METTL15: variants seen among roughly 807,000 people sequenced by gnomAD.
The protein encoded by METTL15 is 12S rRNA N(4)-cytidine methyltransferase METTL15.
A neutral mutation model predicts 38.3 loss-of-function variants in METTL15; 34 were observed. That is an observed-to-expected ratio of 0.89 (90% CI 0.68 to 1.18). The LOEUF (loss-of-function observed/expected upper bound fraction) is 1.18. Ranked by LOEUF, METTL15 falls within the 50% of genes most tolerant of loss-of-function variation. The pLI, the probability that METTL15 is intolerant of heterozygous loss-of-function variation, is 0.00. For synonymous variants in METTL15, 162 were observed against 170.9 expected (o/e 0.95, Z 0.41); for missense variants, 438 against 498.4 (o/e 0.88, Z 1.15).
intron 3 of METTL15, among the ~76,000 whole-genome samples, chr11:28,189,526 C>G (rs1197267324): frequency 1.3e-5 from 2 of 150,978 alleles, no homozygotes; most frequent in African/African-American, 4.8e-5. Flanking sequence ...TTTCAAATAC[C>G]TACTTTGACA....
chr11:28,440,102 C>G (rs1396644805), intron 6 of METTL15, among the ~76,000 whole-genome samples: 1 of 151,988 alleles, frequency 6.6e-6, no homozygotes, highest in Admixed American at 6.6e-5. Flanking sequence ...TGTTGGTGGT[C>G]CCCATAGAAA....
intron 6 of METTL15, among the ~76,000 whole-genome samples, chr11:28,503,661 C>T (rs1000940330): frequency 1.7e-4 from 26 of 151,502 alleles, no homozygotes; most frequent in African/African-American, 6.1e-4. Context: ...CGTGGTGGCA[C>T]GCACCTGTAA....
intron 3 of METTL15, among the ~76,000 whole-genome samples, chr11:28,179,765 G>A (rs762707741): frequency 1.3e-5 from 2 of 151,720 alleles, no homozygotes; most frequent in Non-Finnish European, 3.0e-5. Flanking sequence ...ATAGGCACTC[G>A]TTTTCCAGGA....
chr11:28,175,504 A>T (rs1460824619), intron 3 of METTL15, among the ~76,000 whole-genome samples: 1 of 152,140 alleles, frequency 6.6e-6, no homozygotes, highest in Non-Finnish European at 1.5e-5. Context: ...CTAGTTCTAG[A>T]TCCCTGAGGA....
chr11:28,422,423 C>T (rs1850828301), intron 5 of METTL15, among the ~76,000 whole-genome samples: 1 of 152,032 alleles, frequency 6.6e-6, no homozygotes, highest in Non-Finnish European at 1.5e-5. Flanking sequence ...AGTTATGTTG[C>T]TTCACTTCAA....
chr11:28,297,464 G>GTA (rs546644714), intron 6 of METTL15, among the ~76,000 whole-genome samples: 54 of 152,240 alleles, frequency 3.5e-4, no homozygotes, highest in Non-Finnish European at 6.8e-4. Flanking sequence ...GGTATATGAT[G>GTA]TATAGGTTAT....
intron 5 of METTL15, among the ~76,000 whole-genome samples, chr11:28,367,387 CCTAG>C (rs1850196971): frequency 6.6e-6 from 1 of 152,034 alleles, no homozygotes; most frequent in Admixed American, 6.5e-5. Flanking sequence ...TTGAGAGGAC[CCTAG>C]AATCTCTAGC....
intron 3 of METTL15, among the ~76,000 whole-genome samples, chr11:28,154,145 C>T (rs981618867): frequency 1.3e-5 from 2 of 152,140 alleles, no homozygotes; most frequent in South Asian, 2.1e-4. Context: ...AGGTACAACT[C>T]GTAATTGAAG....
intron 3 of METTL15, among the ~76,000 whole-genome samples, chr11:28,126,643 A>T (rs1852500166): frequency 1.3e-5 from 2 of 152,154 alleles, no homozygotes. Flanking sequence ...TTTTAGTGTG[A>T]AAATTAAACC....
chr11:28,523,280 T>C (rs963693716), intron 6 of METTL15, among the ~76,000 whole-genome samples: 5 of 152,232 alleles, frequency 3.3e-5, no homozygotes, highest in Non-Finnish European at 5.9e-5. Context: ...TACAACAATA[T>C]AATTGAATTA....
chr11:28,335,224 G>A (rs377032942), downstream of METTL15, among the ~76,000 whole-genome samples: 1 of 152,116 alleles, frequency 6.6e-6, no homozygotes, highest in Non-Finnish European at 1.5e-5. Flanking sequence ...AATTTCACAA[G>A]GAAAAGTCTT....
intron 3 of METTL15, among the ~76,000 whole-genome samples, chr11:28,178,421 A>G (rs993912760): frequency 7.2e-5 from 11 of 151,894 alleles, no homozygotes; most frequent in Non-Finnish European, 1.6e-4. Flanking sequence ...AACTCATGTA[A>G]TTATTTCACT....
chr11:28,398,036 C>T (rs190854106), intron 5 of METTL15, among the ~76,000 whole-genome samples: 102 of 151,572 alleles, frequency 6.7e-4, no homozygotes, highest in African/African-American at 2.5e-3. Flanking sequence ...GGGAATTGAA[C>T]AGTGAGAACA....
intron 6 of METTL15, among the ~76,000 whole-genome samples, chr11:28,313,233 A>G (rs1857368418): frequency 6.6e-6 from 1 of 152,040 alleles, no homozygotes; most frequent in Non-Finnish European, 1.5e-5. Flanking sequence ...ACCTTTTAAA[A>G]CTACCTATGC....
At chr11:28,378,727 C>T (rs1336248879) in intron 5 of METTL15, among the ~76,000 whole-genome samples, 1 of 144,052 alleles carries the variant, frequency 6.9e-6, no homozygotes, top group African/African-American at 2.6e-5. Context: ...ATGCTAGTGT[C>T]TTAGAATGGG....
chr11:28,240,823 A>G (rs998674204), intron 4 of METTL15, among the ~76,000 whole-genome samples: 2 of 152,222 alleles, frequency 1.3e-5, no homozygotes, highest in African/African-American at 4.8e-5. Flanking sequence ...GGGATAGCCA[A>G]GTTTTTTTAA....
Position 28,296,789 on chromosome 11 carries a change from T to C in METTL15, c.636T>C (p.Asn212=). ...PDMPTAADVV[N]ALDQQALASI... is the part of the protein sequence containing the mutation. ...TGCCCACTGCTGCTGATGTTGTGAA[T>C]GCTTTAGATCAACAGGCACTTGCAT... Residue 212 remains asparagine, a synonymous_variant, in exon 6 of 7, where the codon AAT becomes AAC. Coordinates refer to ENST00000407364, the MANE Select transcript of METTL15 (RefSeq NM_001113528.2). The C allele has an allele frequency of 1.2e-6, 2 of 1,613,404 alleles. No individual in the cohort carries two copies. The highest frequency in any genetic ancestry group is 2.2e-5 in the South Asian group (2 of 91,060).
intron 6 of METTL15, among the ~76,000 whole-genome samples, chr11:28,477,859 G>A (rs555692524): frequency 6.6e-6 from 1 of 151,934 alleles, no homozygotes; most frequent in Non-Finnish European, 1.5e-5. Flanking sequence ...TTTTCTGTAT[G>A]GTATTTTTTG....
chr11:28,227,959 T>C (rs767188225), intron 4 of METTL15, among the ~76,000 whole-genome samples: 11 of 151,926 alleles, frequency 7.2e-5, no homozygotes, highest in South Asian at 4.1e-4. Flanking sequence ...ATTAAAACAA[T>C]TTATTCCAAG....
Sources: allele counts gnomAD v4.1 joint callset (sites outside exome capture counted in the v4.1 genomes callset), GRCh38; gene constraint gnomAD v4.1.1; transcripts MANE v1.5; gene names NCBI Gene and HGNC (gene_info 2026-07-23, HGNC 2026-07-21).